Variants in MEF2C observed in about 807,000 individuals in gnomAD.
MEF2C encodes myocyte-specific enhancer factor 2C.
Under a neutral mutation model 50.5 loss-of-function variants are expected in MEF2C, and 6 were observed. The ratio of observed to expected loss-of-function variants is 0.12; its 90% CI spans 0.07 to 0.23. The LOEUF (loss-of-function observed/expected upper bound fraction) is 0.23, where lower values mean the gene tolerates loss of function less well. MEF2C is among the 10% of genes least tolerant of loss of function. The pLI is 1.00. For synonymous variants in MEF2C, 183 were observed against 228.0 expected (o/e 0.80, Z 1.78); for missense variants, 276 against 605.0 (o/e 0.46, Z 5.70).
chr5:88,724,202 G>T (rs1757584316), intron 10 of MEF2C, among the ~76,000 whole-genome samples: 1 of 152,104 alleles, frequency 6.6e-6, no homozygotes, highest in African/African-American at 2.4e-5. Flanking sequence ...ATGTAATTAT[G>T]CTGCTTTCCA....
intron 1 of MEF2C, among the ~76,000 whole-genome samples, chr5:88,852,660 C>A (rs1289035200): frequency 6.6e-6 from 1 of 152,038 alleles, no homozygotes; most frequent in Non-Finnish European, 1.5e-5. Context: ...AACCTGAGGT[C>A]AGGAGTTTGA....
chr5:88,737,782 AAAG>A (rs1764741644), intron 6 of MEF2C: 1 of 985,432 alleles, frequency 1.0e-6, no homozygotes, highest in Non-Finnish European at 1.2e-6. Context: ...CGAAGTTGAA[AAAG>A]AAGGCTTGGC....
intron 1 of MEF2C, among the ~76,000 whole-genome samples, chr5:88,847,953 C>A (rs1310448547): frequency 6.6e-6 from 1 of 152,088 alleles, no homozygotes; most frequent in African/African-American, 2.4e-5. Flanking sequence ...ATCTAAATTA[C>A]AAAAGTTAGA....
intron 2 of MEF2C, among the ~76,000 whole-genome samples, chr5:88,818,980 A>C (rs924452658): frequency 6.6e-6 from 1 of 151,948 alleles, no homozygotes. Context: ...GGTGCTTTAC[A>C]TTTATTGCTT....
chr5:88,799,911 CACAG>C (rs1266472730), intron 3 of MEF2C, among the ~76,000 whole-genome samples: 329 of 62,514 alleles, frequency 5.3e-3, no homozygotes, highest in East Asian at 0.021. Flanking sequence ...CACACACACA[CACAG>C]AGAGAGAGAC....
chr5:88,730,039 A>C (rs1042047963), intron 8 of MEF2C, among the ~76,000 whole-genome samples, 172 bp downstream of exon 8: 32 of 149,746 alleles, frequency 2.1e-4, no homozygotes, highest in South Asian at 1.3e-3. Flanking sequence ...AAAAAAAAAA[A>C]CCTGACATTC....
chr5:88,777,088 A>G (rs1383179946), intron 3 of MEF2C, among the ~76,000 whole-genome samples: 1 of 152,224 alleles, frequency 6.6e-6, no homozygotes, highest in Non-Finnish European at 1.5e-5. Context: ...TTCAATTTCC[A>G]TAACTTATGA....
chr5:88,797,092 A>T (rs1438954151), intron 3 of MEF2C, among the ~76,000 whole-genome samples: 3 of 152,102 alleles, frequency 2.0e-5, no homozygotes, highest in Non-Finnish European at 2.9e-5. Context: ...AAGAATGCTG[A>T]AGTCCAACGT....
chr5:88,813,896 G>A (rs1804053006), intron 2 of MEF2C, among the ~76,000 whole-genome samples: 1 of 151,836 alleles, frequency 6.6e-6, no homozygotes, highest in African/African-American at 2.4e-5. Flanking sequence ...CCAAATAAGA[G>A]TCATGATAAA....
chr5:88,823,981 T>C, intron 1 of MEF2C, 51 bp from the exon 2 acceptor site: 2 of 1,355,040 alleles, frequency 1.5e-6, no homozygotes, highest in Non-Finnish European at 1.9e-6. Flanking sequence ...GTCAGTTTCA[T>C]AAGAACTATC....
intron 3 of MEF2C, among the ~76,000 whole-genome samples, chr5:88,763,131 T>A (rs900718570): frequency 1.3e-5 from 2 of 152,216 alleles, no homozygotes; most frequent in Admixed American, 6.5e-5. Flanking sequence ...TATAGTGGTA[T>A]AATATAACAA....
At chr5:88,734,807 T>C (rs956417275) in intron 6 of MEF2C, 1 of 979,498 alleles carries the variant, frequency 1.0e-6, no homozygotes, top group Non-Finnish European at 1.2e-6. Context: ...ATTTGGAAAT[T>C]ACGCCATTTT....
chr5:88,734,312 C>T, intron 6 of MEF2C: 1 of 985,146 alleles, frequency 1.0e-6, no homozygotes, highest in Non-Finnish European at 1.2e-6. Flanking sequence ...TATAAACAAT[C>T]AAATGGAAAA....
intron 3 of MEF2C, among the ~76,000 whole-genome samples, chr5:88,779,098 T>A (rs1786389995): frequency 6.6e-6 from 1 of 152,266 alleles, no homozygotes. Flanking sequence ...AGTTTACAAT[T>A]ATGATGCTTT....
At chr5:88,831,065 C>A (rs576959127) in intron 1 of MEF2C, among the ~76,000 whole-genome samples, 3 of 151,976 alleles carry the variant, frequency 2.0e-5, no homozygotes, top group Non-Finnish European at 4.4e-5. Flanking sequence ...CATCTCATGA[C>A]CCTGTTAGAA....
At chr5:88,759,016 T>C (rs1454183229) in intron 4 of MEF2C, among the ~76,000 whole-genome samples, 1 of 152,192 alleles carries the variant, frequency 6.6e-6, no homozygotes, top group Non-Finnish European at 1.5e-5. Flanking sequence ...TTCCATTGAG[T>C]GATCAGCAGT....
intron 1 of MEF2C, among the ~76,000 whole-genome samples, chr5:88,846,693 T>C (rs181254068): frequency 3.3e-5 from 5 of 152,306 alleles, no homozygotes; most frequent in Admixed American, 2.0e-4. Flanking sequence ...TCACATGAGT[T>C]GGAGCTGCCT....
intron 10 of MEF2C, 127 bp from the exon 11 acceptor site, chr5:88,723,052 G>A (rs879164915): frequency 1.9e-5 from 16 of 850,444 alleles, no homozygotes; most frequent in South Asian, 9.5e-5. Flanking sequence ...TGAAGAAAAC[G>A]TGCTTGGAAG....
intron 1 of MEF2C, among the ~76,000 whole-genome samples, chr5:88,826,426 A>C (rs1810873480): frequency 6.6e-6 from 1 of 151,962 alleles, no homozygotes; most frequent in African/African-American, 2.4e-5. Flanking sequence ...CGTGCAGAGT[A>C]ATATGTGGTG....
Sources: gnomAD v4.1 joint callset for allele counts (sites outside exome capture counted in the v4.1 genomes callset) on GRCh38, gnomAD v4.1.1 for gene constraint, MANE v1.5 for transcripts, NCBI Gene and HGNC (gene_info 2026-07-23, HGNC 2026-07-21) for gene names.